The following EYA1 variants were observed in gnomAD, a reference collection of about 807,000 sequenced individuals.
The protein encoded by EYA1 is EYA transcriptional coactivator and phosphatase 1, also known as protein phosphatase EYA1.
EYA1 carries 16 observed loss-of-function variants against 82.0 expected under a neutral mutation model. The ratio of observed to expected loss-of-function variants is 0.20; its 90% CI spans 0.13 to 0.30. The LOEUF (loss-of-function observed/expected upper bound fraction) is 0.30. Ranked by LOEUF, EYA1 falls within the 10% of genes least tolerant of loss-of-function variation. The probability of loss-of-function intolerance (pLI) is 1.00; values close to 1 mark genes in which losing one functional copy is unlikely to be tolerated. For synonymous variants in EYA1, 261 were observed against 264.4 expected (o/e 0.99, Z 0.12); for missense variants, 633 against 730.7 (o/e 0.87, Z 1.54).
Position 71,198,892 on chromosome 8 carries a change from A to G in EYA1, c.*448T>C. ...TAGAGATGTACAGATTACCCTGGGT[A>G]TGAGACACCAAAAAGTAAACCTTCT... On this transcript the variant is annotated 3_prime_UTR_variant, in exon 18 of 18. Transcript: ENST00000340726. The G allele has an allele frequency of 4.3e-6, 1 of 230,874 alleles. No homozygotes were observed. Among genetic ancestry groups the G allele is most frequent in the East Asian group, 1.1e-4 (1 of 9,394 alleles). 14.3% of individuals were successfully genotyped at this position (230,874 alleles called of 1,614,324 possible).
In EYA1 at chr8:71,322,429, T is replaced by C. The variant is rs1822678171; in HGVS notation, c.203-161A>G. On this transcript the variant is annotated intron_variant, in intron 4 of 17. Transcript: ENST00000340726. ...GATGGAAATTTCATATGGTTCCACC[T>C]AACAGAAAGTTAAACTATAAAGAGG... is the stretch of plus-strand genomic sequence containing the variant. 4.5e-6 allele frequency: 3 copies of C among 666,790 alleles called. No individual in the cohort carries two copies. In the South Asian group the frequency reaches 4.9e-5, roughly 11 times the overall value. 41.3% of individuals were successfully genotyped at this position (666,790 alleles called of 1,614,324 possible). A position where few individuals can be genotyped will look rare whatever the true frequency, so the allele number is the denominator to read the frequency against.
chr8:71,304,431 C>CT (rs1380815380), intron 7 of EYA1, among the ~76,000 whole-genome samples: 1 of 142,530 alleles, frequency 7.0e-6, no homozygotes, highest in Non-Finnish European at 1.6e-5. Flanking sequence ...AGTTATTTCC[C>CT]TTTTTTATGA....
At chr8:71,258,341 T>G (rs925463796) in intron 11 of EYA1, among the ~76,000 whole-genome samples, 3 of 152,200 alleles carry the variant, frequency 2.0e-5, no homozygotes, top group African/African-American at 7.2e-5. Flanking sequence ...TTCTGGGTAC[T>G]GGAGTCCATA....
intron 7 of EYA1, among the ~76,000 whole-genome samples, chr8:71,307,354 G>T (rs1820842662): frequency 6.6e-6 from 1 of 152,174 alleles, no homozygotes; most frequent in Non-Finnish European, 1.5e-5. Flanking sequence ...ACCCAGGCTA[G>T]AGTGCAGTGG....
intron 9 of EYA1, among the ~76,000 whole-genome samples, chr8:71,281,196 A>G (rs1002441557): frequency 6.6e-6 from 1 of 152,152 alleles, no homozygotes; most frequent in Admixed American, 6.5e-5. Flanking sequence ...TTACCTTTGC[A>G]GTTTTGGGAA....
intron 2 of EYA1, among the ~76,000 whole-genome samples, chr8:71,477,092 C>G (rs1809724348): frequency 6.6e-6 from 1 of 152,126 alleles, no homozygotes; most frequent in South Asian, 2.1e-4. Context: ...GAATCAAAGA[C>G]TTAAATGCAA....
At chr8:71,294,429 A>C (rs1009489631) in intron 9 of EYA1, among the ~76,000 whole-genome samples, 1 of 151,710 alleles carries the variant, frequency 6.6e-6, no homozygotes, top group Non-Finnish European at 1.5e-5. Context: ...CACGCCCTCC[A>C]GCCTGGGCGA....
At chr8:71,546,683 T>G (rs1586925340) in intron 1 of EYA1, among the ~76,000 whole-genome samples, 1 of 152,070 alleles carries the variant, frequency 6.6e-6, no homozygotes, top group Non-Finnish European at 1.5e-5. Flanking sequence ...TGTGTATTTT[T>G]AGTAGAGACG....
chr8:71,398,526 C>T (rs1364252572), intron 2 of EYA1, among the ~76,000 whole-genome samples: 1 of 152,212 alleles, frequency 6.6e-6, no homozygotes, highest in East Asian at 1.9e-4. Context: ...TCAGGACCCT[C>T]AGCTGCAGGT....
chr8:71,534,930 C>A (rs1023855355), intron 2 of EYA1, among the ~76,000 whole-genome samples: 4 of 144,608 alleles, frequency 2.8e-5, no homozygotes, highest in Non-Finnish European at 6.1e-5. Flanking sequence ...AAGAATTCTA[C>A]TGTGAATAAA....
chr8:71,523,979 A>G (rs1048283578), intron 2 of EYA1, among the ~76,000 whole-genome samples: 11 of 152,216 alleles, frequency 7.2e-5, no homozygotes, highest in African/African-American at 2.4e-4. Flanking sequence ...TTCTTTCCCC[A>G]AGTAATTTGG....
intron 3 of EYA1, among the ~76,000 whole-genome samples, chr8:71,350,343 T>C (rs1307891093): frequency 6.6e-6 from 1 of 151,972 alleles, no homozygotes; most frequent in Non-Finnish European, 1.5e-5. Flanking sequence ...GAAAAACAAA[T>C]CCAGATAATT....
intron 2 of EYA1, among the ~76,000 whole-genome samples, chr8:71,422,003 AT>A (rs767084089): frequency 2.0e-5 from 3 of 152,194 alleles, no homozygotes; most frequent in Non-Finnish European, 2.9e-5. Flanking sequence ...GTAACTATCA[AT>A]TTTTAAAGAA....
At chr8:71,362,283 T>TA (rs1827475672), upstream of EYA1, 19 of 804,054 alleles carry the variant, frequency 2.4e-5, no homozygotes, top group East Asian at 5.6e-4. Context: ...ACCTTGCTGT[T>TA]TAAAAAAAAA....
At chr8:71,325,911 TA>T (rs1195452940) in intron 4 of EYA1, among the ~76,000 whole-genome samples, 1 of 152,178 alleles carries the variant, frequency 6.6e-6, no homozygotes, top group East Asian at 1.9e-4. Flanking sequence ...TTAAACTTTC[TA>T]AACAGTAACC....
rs1240906741 is a variant in EYA1, at chr8:71,346,442, A to ATATATATATATC, written c.124+8339_124+8340insGATATATATATA. 1.5e-4 allele frequency among the ~76,000 whole-genome samples: 20 copies of ATATATATATATC among 134,434 alleles called. 1 individual carries two copies. Among genetic ancestry groups the ATATATATATATC allele is most frequent in the Non-Finnish European group, 2.9e-4 (19 of 65,444 alleles). The allele number at this position is 134,434 out of a possible 152,430, so 88.2% of individuals were successfully genotyped here. ...TTTTTACTGCAGTGAATATATATAT[A>ATATATATATATC]TATATATATATATCTATATATATCC... On this transcript the variant is annotated intron_variant, in intron 3 of 17. Transcript: ENST00000340726.
chr8:71,515,881 A>G (rs1179083669), intron 2 of EYA1, among the ~76,000 whole-genome samples: 1 of 152,194 alleles, frequency 6.6e-6, no homozygotes, highest in Non-Finnish European at 1.5e-5. Context: ...GATGAATATG[A>G]CAAAGTATGT....
chr8:71,469,812 G>T (rs1456797655), intron 2 of EYA1, among the ~76,000 whole-genome samples: 1 of 151,944 alleles, frequency 6.6e-6, no homozygotes, highest in Non-Finnish European at 1.5e-5. Flanking sequence ...GTAGATACAT[G>T]ATCTTGGCTG....
At chr8:71,478,719 A>T (rs1586797700) in intron 2 of EYA1, among the ~76,000 whole-genome samples, 1 of 152,162 alleles carries the variant, frequency 6.6e-6, no homozygotes, top group African/African-American at 2.4e-5. Flanking sequence ...TAGCATGCTC[A>T]CAATGGGGTC....
Sources: allele counts gnomAD v4.1 joint callset (sites outside exome capture counted in the v4.1 genomes callset), GRCh38; gene constraint gnomAD v4.1.1; transcripts MANE v1.5; gene names NCBI Gene and HGNC (gene_info 2026-07-23, HGNC 2026-07-21).